STAM2: variants seen among roughly 807,000 people sequenced by gnomAD.
The protein encoded by STAM2 is signal transducing adaptor molecule 2, also known as signal transducing adapter molecule 2.
A neutral mutation model predicts 65.6 loss-of-function variants in STAM2; 51 were observed. The ratio of observed to expected loss-of-function variants is 0.78; its 90% CI spans 0.62 to 0.98. The LOEUF (loss-of-function observed/expected upper bound fraction) is 0.98. Ranked by LOEUF, STAM2 falls within the 50% of genes least tolerant of loss-of-function variation. The pLI is 0.00. For missense variants in STAM2, 584 were observed against 617.8 expected (o/e 0.95, Z 0.58); for synonymous variants, 198 against 208.4 (o/e 0.95, Z 0.43).
At chr2:152,149,128 T>A (rs1388265663) in intron 2 of STAM2, among the ~76,000 whole-genome samples, 3 of 152,186 alleles carry the variant, frequency 2.0e-5, no homozygotes, top group Non-Finnish European at 4.4e-5. Context: ...TATATTTATA[T>A]GTATATTATT....
At chr2:152,149,163 T>A (rs938460829) in intron 2 of STAM2, among the ~76,000 whole-genome samples, 2 of 152,130 alleles carry the variant, frequency 1.3e-5, no homozygotes, top group African/African-American at 4.8e-5. Context: ...TTATATTATC[T>A]ACTGTGTTAT....
In STAM2 at chr2:152,172,345, TATC is replaced by T. The variant is rs1689910832; in HGVS notation, c.40+3255_40+3257del. ...GCCTGCTTCCATTTGACAAGTCACA[TATC>T]ATCATCAATTCATGAGTGCCTTCCT... is the stretch of plus-strand genomic sequence containing the variant. On this transcript the variant is annotated intron_variant, in intron 1 of 13. Coordinates refer to ENST00000263904, the MANE Select transcript of STAM2 (RefSeq NM_005843.6). 6.6e-5 allele frequency among the ~76,000 whole-genome samples: 10 copies of T among 152,200 alleles called. No individual in the cohort carries two copies. In the South Asian group the frequency reaches 1.9e-3, roughly 28 times the overall value.
chr2:152,156,722 T>C (rs1219642356), intron 1 of STAM2, among the ~76,000 whole-genome samples: 1 of 152,178 alleles, frequency 6.6e-6, no homozygotes, highest in Non-Finnish European at 1.5e-5. Context: ...ATGTTCAAAG[T>C]ACAGCTTTAA....
At chr2:152,141,480 G>C (rs891238126) in intron 7 of STAM2, among the ~76,000 whole-genome samples, 1 of 151,736 alleles carries the variant, frequency 6.6e-6, no homozygotes, top group Non-Finnish European at 1.5e-5. Context: ...GTTGCAGTGA[G>C]CTGAGATGGC....
chr2:152,135,696 T>A, intron 7 of STAM2, 93 bp from the exon 8 acceptor site: 1 of 786,020 alleles, frequency 1.3e-6, no homozygotes, highest in Non-Finnish European at 2.1e-6. Flanking sequence ...CTCCTTTGAA[T>A]ATATCCGTTT....
Position 152,132,121 on chromosome 2 carries a change from TTTCTTCA to T in STAM2, c.1011_1017del (p.Glu338LeufsTer11). Reference sequence around the variant, plus strand: ...CTGCACGAAAAATCTCACCTATCAATTTCTTCAAGTTTTTCATCTATCATTGGACCCA... The same window carrying T: ...CTGCACGAAAAATCTCACCTATCAATAGTTTTTCATCTATCATTGGACCCA... On this transcript the variant is annotated frameshift_variant, in exon 11 of 14. Coordinates refer to ENST00000263904, the MANE Select transcript of STAM2 (RefSeq NM_005843.6). LOFTEE classifies it high-confidence loss of function. The T allele has an allele frequency of 6.2e-7, 1 of 1,611,630 alleles. No homozygotes were observed. Among genetic ancestry groups the T allele is most frequent in the Non-Finnish European group, 8.5e-7 (1 of 1,178,406 alleles).
intron 1 of STAM2, among the ~76,000 whole-genome samples, chr2:152,150,637 C>A (rs1313449456): frequency 6.6e-6 from 1 of 151,998 alleles, no homozygotes; most frequent in African/African-American, 2.4e-5. Flanking sequence ...CCTGTTTCTA[C>A]GAAAAATAAA....
chr2:152,143,879 C>T lies in STAM2; in HGVS notation c.652G>A (p.Asp218Asn). The T allele has an allele frequency of 1.2e-6, 2 of 1,613,686 alleles. No individual in the cohort carries two copies. The highest frequency in any genetic ancestry group is 1.7e-6 in the Non-Finnish European group (2 of 1,179,830). The change falls in exon 7 of 14, where the codon GAC becomes AAC. Residue 218 changes from aspartate (D) to asparagine (N), a missense_variant. Physicochemically the swap from Asp to Asn is conservative, Grantham distance 23. Transcript: ENST00000263904. ...CCATGTTTAAAGGTGAGTTCATTGT[C>T]CTCAACAGCTTCAAAATCATATAAA... Reference protein sequence around the residue: ...RALYDFEAVEDNELTFKHGEI... With the variant: ...RALYDFEAVENNELTFKHGEI...
intron 1 of STAM2, among the ~76,000 whole-genome samples, chr2:152,166,191 C>T (rs994025534): frequency 2.6e-5 from 4 of 151,918 alleles, no homozygotes; most frequent in Admixed American, 1.3e-4. Context: ...ACAACAACAA[C>T]GACAAAGCCC....
chr2:152,131,892 A>C (rs1288701337), intron 11 of STAM2: 1 of 517,876 alleles, frequency 1.9e-6, no homozygotes, highest in Non-Finnish European at 3.4e-6. Flanking sequence ...TAAGCCATGC[A>C]AAATTTTTAT....
At position 152,135,495 on chromosome 2, in the gene STAM2, A is replaced by G. The variant is rs1689137241; in HGVS notation, c.799+14T>C. On this transcript the variant is annotated intron_variant, in intron 8 of 13. Transcript: ENST00000263904. ...AACTTAAATAGATCTAATGTCGTCT[A>G]AGATTTAACTTACCTGCCTCAGTCT... The G allele has an allele frequency of 6.4e-7, 1 of 1,570,284 alleles. No individual in the cohort carries two copies. Among genetic ancestry groups the G allele is most frequent in the African/African-American group, 1.4e-5 (1 of 73,828 alleles).
chr2:152,168,537 A>G (rs552930914), intron 1 of STAM2, among the ~76,000 whole-genome samples: 12 of 152,252 alleles, frequency 7.9e-5, no homozygotes, highest in Admixed American at 5.9e-4. Flanking sequence ...ACCTAACTAC[A>G]CTGCTATAGT....
At chr2:152,173,251 A>G (rs1560227561) in intron 1 of STAM2, among the ~76,000 whole-genome samples, 2 of 150,392 alleles carry the variant, frequency 1.3e-5, no homozygotes, top group African/African-American at 2.4e-5. Context: ...TGAATCAAAG[A>G]GAACAAGTGA....
At chr2:152,158,153 A>T (rs1689587045) in intron 1 of STAM2, among the ~76,000 whole-genome samples, 1 of 152,218 alleles carries the variant, frequency 6.6e-6, no homozygotes, top group Non-Finnish European at 1.5e-5. Context: ...GGAATGTCTG[A>T]ACTGAAAAGT....
intron 4 of STAM2, 76 bp downstream of exon 4, chr2:152,147,948 A>G (rs1043936267): frequency 5.8e-6 from 6 of 1,037,558 alleles, no homozygotes; most frequent in Non-Finnish European, 8.7e-6. Flanking sequence ...TACTTTAGTA[A>G]TGCCACATAT....
At position 152,175,747 on chromosome 2, in the gene STAM2, C is replaced by T. The variant is rs1690009907; in HGVS notation, c.-105G>A. On this transcript the variant is annotated 5_prime_UTR_variant, in exon 1 of 14. Coordinates refer to ENST00000263904, the MANE Select transcript of STAM2 (RefSeq NM_005843.6). ...GGCTCCCTAGACCGCTCCGCTTCGG[C>T]CTCCGTCCCTGCACTTCCGCCACCG... The T allele has an allele frequency of 2.4e-6, 3 of 1,267,996 alleles. No homozygotes were observed. The highest frequency in any genetic ancestry group is 2.0e-5 in the Admixed American group (1 of 50,386). The allele number at this position is 1,267,996 out of a possible 1,614,324, so 78.5% of individuals were successfully genotyped here. A position where few individuals can be genotyped will look rare whatever the true frequency, so the allele number is the denominator to read the frequency against.
At chr2:152,134,603 A>G (rs1689119303) in intron 8 of STAM2, among the ~76,000 whole-genome samples, 1 of 152,180 alleles carries the variant, frequency 6.6e-6, no homozygotes, top group Non-Finnish European at 1.5e-5. Context: ...TATATCCCTC[A>G]GTGAGTCATT....
In STAM2 at chr2:152,120,443, G is replaced by C. The variant is rs1161365399; in HGVS notation, c.*131C>G. 3 of 724,078 alleles carry C rather than the reference G, an allele frequency of 4.1e-6. No homozygotes were observed. The highest frequency in any genetic ancestry group is 6.7e-6 in the Non-Finnish European group (3 of 447,938). 44.9% of individuals were successfully genotyped at this position (724,078 alleles called of 1,614,324 possible). A position where few individuals can be genotyped will look rare whatever the true frequency, so the allele number is the denominator to read the frequency against. ...TTTTATGGCCTTGTAGAATAAGAGA[G>C]GTTTTTGTGCTTTATTTATTCATGG... On this transcript the variant is annotated 3_prime_UTR_variant, in exon 14 of 14. Coordinates refer to ENST00000263904, the MANE Select transcript of STAM2 (RefSeq NM_005843.6).
chr2:152,158,955 T>TG (rs1171924175), intron 1 of STAM2, among the ~76,000 whole-genome samples: 1 of 151,556 alleles, frequency 6.6e-6, no homozygotes, highest in East Asian at 1.9e-4. Flanking sequence ...TCGTAAATTT[T>TG]GGGGGATACA....
Sources: gnomAD v4.1 joint callset for allele counts (sites outside exome capture counted in the v4.1 genomes callset) on GRCh38, gnomAD v4.1.1 for gene constraint, MANE v1.5 for transcripts, NCBI Gene and HGNC (gene_info 2026-07-23, HGNC 2026-07-21) for gene names.